Variants in CACUL1 observed in about 807,000 individuals in gnomAD.
CACUL1 encodes CDK2 associated cullin domain 1, also known as CDK2-associated and cullin domain-containing protein 1.
Under a neutral mutation model 45.2 loss-of-function variants are expected in CACUL1, and 13 were observed. That is an observed-to-expected ratio of 0.29 (90% CI 0.19 to 0.46). The LOEUF (loss-of-function observed/expected upper bound fraction) is 0.46, where lower values mean the gene tolerates loss of function less well. CACUL1 is among the 20% of genes least tolerant of loss of function. CACUL1 has a pLI of 1.00. For missense variants in CACUL1, 421 were observed against 471.4 expected, an observed-to-expected ratio of 0.89 and a Z score of 0.99; for synonymous variants, 197 against 174.2, an observed-to-expected ratio of 1.13 and a Z score of -1.03.
At chr10:118,734,386 A>G (rs1196240304) in intron 1 of CACUL1, among the ~76,000 whole-genome samples, 3 of 152,208 alleles carry the variant, frequency 2.0e-5, no homozygotes, top group African/African-American at 7.2e-5. Flanking sequence ...TTTTTAGATA[A>G]TTAACTAAAT....
intron 1 of CACUL1, among the ~76,000 whole-genome samples, chr10:118,732,315 C>G (rs1845704937): frequency 1.3e-5 from 2 of 152,166 alleles, no homozygotes; most frequent in Non-Finnish European, 2.9e-5. Flanking sequence ...AAAGAAAGGT[C>G]GAGTGGCTCC....
At position 118,680,712 on chromosome 10, in the gene CACUL1, C is replaced by A. The variant is rs1402213329; in HGVS notation, c.*5416G>T. ...ACTACAAATATACTGATATCCGTAT[C>A]CATACTATATATGAATATAGAATAG... On this transcript the variant is annotated 3_prime_UTR_variant, in exon 9 of 9. Coordinates refer to ENST00000369151, the MANE Select transcript of CACUL1 (RefSeq NM_153810.5). The A allele has an allele frequency of 6.6e-6, 1 of 152,116 alleles. No individual in the cohort carries two copies. The highest frequency in any genetic ancestry group is 1.5e-5 in the Non-Finnish European group (1 of 68,002). The allele number at this position is 152,116 out of a possible 1,614,324, so 9.4% of individuals were successfully genotyped here.
chr10:118,699,328 G>T (rs1845354195), intron 5 of CACUL1, among the ~76,000 whole-genome samples: 2 of 152,138 alleles, frequency 1.3e-5, no homozygotes, highest in African/African-American at 4.8e-5. Flanking sequence ...AAATAAAAAG[G>T]TATATCCACC....
chr10:118,741,428 C>T (rs981494790), intron 1 of CACUL1, among the ~76,000 whole-genome samples: 13 of 151,880 alleles, frequency 8.6e-5, no homozygotes, highest in Non-Finnish European at 1.8e-4. Flanking sequence ...GACCTCTCTA[C>T]CTGACTGTTC....
At chr10:118,696,808 G>GTGTT (rs1477232312) in intron 5 of CACUL1, among the ~76,000 whole-genome samples, 1 of 152,202 alleles carries the variant, frequency 6.6e-6, no homozygotes, top group African/African-American at 2.4e-5. Flanking sequence ...TAAATTCTAA[G>GTGTT]TGTTAGGTTT....
chr10:118,739,767 A>C (rs1845774470), intron 1 of CACUL1, among the ~76,000 whole-genome samples: 1 of 152,242 alleles, frequency 6.6e-6, no homozygotes, highest in African/African-American at 2.4e-5. Context: ...TTCACAGACA[A>C]AAACAAAAGC....
At chr10:118,704,141 A>G (rs573369695) in intron 4 of CACUL1, among the ~76,000 whole-genome samples, 100 of 152,076 alleles carry the variant, frequency 6.6e-4, no homozygotes, top group Non-Finnish European at 1.3e-3. Context: ...CTTTAATTCC[A>G]GCATTTTGGG....
chr10:118,754,196 G>C (rs4752199), intron 1 of CACUL1, among the ~76,000 whole-genome samples, 200 bp downstream of exon 1: 85,897 of 151,846 alleles, frequency 0.57, 25,635 homozygotes, highest in Non-Finnish European at 0.68. Flanking sequence ...AGCCAGGGCC[G>C]CTCAGGCGCT....
chr10:118,727,233 A>T (rs1454593696), intron 3 of CACUL1, among the ~76,000 whole-genome samples: 3 of 151,936 alleles, frequency 2.0e-5, no homozygotes, highest in Admixed American at 2.0e-4. Context: ...TAAAGCAAAA[A>T]ACATAAAAAA....
rs1014910334 is a variant in CACUL1, at chr10:118,676,874, T to A, written c.*9254A>T. 1 of 139,540 alleles carries A rather than the reference T, an allele frequency of 7.2e-6. No individual in the cohort carries two copies. Among genetic ancestry groups the A allele is most frequent in the South Asian group, 2.4e-4 (1 of 4,218 alleles). 8.6% of individuals were successfully genotyped at this position (139,540 alleles called of 1,614,324 possible). A position where few individuals can be genotyped will look rare whatever the true frequency, so the allele number is the denominator to read the frequency against. On this transcript the variant is annotated 3_prime_UTR_variant, in exon 9 of 9. Coordinates refer to ENST00000369151, the MANE Select transcript of CACUL1 (RefSeq NM_153810.5). ...CACACACACACACACACACACACACTGGGGTGTGCACACTACGGCATTAAA... is the reference window on the plus strand; with the variant it reads ...CACACACACACACACACACACACACAGGGGTGTGCACACTACGGCATTAAA...
rs1458590051 is a variant in CACUL1, at chr10:118,683,541, A to G, written c.*2587T>C. 6.6e-6 allele frequency: 1 copy of G among 152,148 alleles called. No individual in the cohort carries two copies. Among genetic ancestry groups the G allele is most frequent in the African/African-American group, 2.4e-5 (1 of 41,426 alleles). 9.4% of individuals were successfully genotyped at this position (152,148 alleles called of 1,614,324 possible). On this transcript the variant is annotated 3_prime_UTR_variant, in exon 9 of 9. Transcript: ENST00000369151. ...CCCGTCTCTACTAAAAACAAAATAC[A>G]AAAAGTAGCCGGGCGTAGTGGCACG...
intron 1 of CACUL1, among the ~76,000 whole-genome samples, chr10:118,748,310 G>C (rs975697079): frequency 3.3e-5 from 5 of 152,142 alleles, no homozygotes; most frequent in African/African-American, 1.2e-4. Context: ...TAGACAAAGA[G>C]CAGGCTTGCT....
chr10:118,707,634 G>T, intron 3 of CACUL1, 47 bp from the exon 4 acceptor site: 1 of 805,670 alleles, frequency 1.2e-6, no homozygotes, highest in South Asian at 1.7e-5. Flanking sequence ...ACCAGGGAAA[G>T]ACCTTCCACC....
chr10:118,701,069 G>C (rs1845375128), intron 5 of CACUL1, among the ~76,000 whole-genome samples: 1 of 152,136 alleles, frequency 6.6e-6, no homozygotes, highest in South Asian at 2.1e-4. Flanking sequence ...CAAGTTCTCA[G>C]GGCAGACACA....
At chr10:118,689,753 A>C (rs1845243429) in intron 7 of CACUL1, among the ~76,000 whole-genome samples, 1 of 152,218 alleles carries the variant, frequency 6.6e-6, no homozygotes. Flanking sequence ...TAGGATTAGA[A>C]AAATGGGCAC....
At chr10:118,717,421 T>C (rs1246134389) in intron 3 of CACUL1, among the ~76,000 whole-genome samples, 1 of 152,200 alleles carries the variant, frequency 6.6e-6, no homozygotes, top group African/African-American at 2.4e-5. Context: ...TATCAAAATA[T>C]AACTCAAGTT....
intron 3 of CACUL1, among the ~76,000 whole-genome samples, chr10:118,710,678 AC>A (rs1179371081): frequency 6.6e-6 from 1 of 152,018 alleles, no homozygotes; most frequent in Non-Finnish European, 1.5e-5. Context: ...GTCTGCCACT[AC>A]CTTCAAACCC....
chr10:118,750,939 C>G (rs974119824), intron 1 of CACUL1, among the ~76,000 whole-genome samples: 1 of 152,134 alleles, frequency 6.6e-6, no homozygotes, highest in Non-Finnish European at 1.5e-5. Flanking sequence ...AGGGAAAATG[C>G]GGTACCATCA....
At chr10:118,743,495 G>C (rs1014062210) in intron 1 of CACUL1, among the ~76,000 whole-genome samples, 1 of 152,084 alleles carries the variant, frequency 6.6e-6, no homozygotes, top group African/African-American at 2.4e-5. Flanking sequence ...CAATAAGGCC[G>C]GGTGCAGTGG....
Sources: gnomAD v4.1 joint callset for allele counts (sites outside exome capture counted in the v4.1 genomes callset) on GRCh38, gnomAD v4.1.1 for gene constraint, MANE v1.5 for transcripts, NCBI Gene and HGNC (gene_info 2026-07-23, HGNC 2026-07-21) for gene names.